ANKRD36: variants seen among roughly 807,000 people sequenced by gnomAD.
ANKRD36 encodes ankyrin repeat domain 36.
A neutral mutation model predicts 278.1 loss-of-function variants in ANKRD36; 179 were observed. That is an observed-to-expected ratio of 0.64 (90% confidence interval 0.57 to 0.73). ANKRD36 has a LOEUF of 0.73. Ranked by LOEUF, ANKRD36 falls within the 30% of genes least tolerant of loss-of-function variation. The pLI, the probability that ANKRD36 is intolerant of heterozygous loss-of-function variation, is 0.00. For synonymous variants in ANKRD36, 320 were observed against 641.1 expected (o/e 0.50, Z 7.57); for missense variants, 1,159 against 1,956.7 (o/e 0.59, Z 7.69).
chr2:97,187,225 A>G lies in ANKRD36; in HGVS notation c.2069A>G (p.Lys690Arg). 1 of 1,609,778 alleles carries G rather than the reference A, an allele frequency of 6.2e-7. No homozygotes were observed. Among genetic ancestry groups the G allele is most frequent in the Non-Finnish European group, 8.5e-7 (1 of 1,178,720 alleles). Residue 690 changes from lysine to arginine, a missense_variant and splice_region_variant, in exon 31 of 76, where the codon AAG (lysine) becomes AGG (arginine). Transcript: ENST00000420699. Reference sequence around the variant, plus strand: ...TCTTCTCAGAAACAACCAGCCTTGAAGGTAATTAAACTCTCATTTATATTG... The same window carrying G: ...TCTTCTCAGAAACAACCAGCCTTGAGGGTAATTAAACTCTCATTTATATTG... ...TVSSQKQPAL[K>R]ATTDEEDSVS...
At chr2:97,217,565 T>C (rs1216896582) in intron 64 of ANKRD36, among the ~76,000 whole-genome samples, 193 bp downstream of exon 64, 1 of 152,072 alleles carries the variant, frequency 6.6e-6, no homozygotes, top group African/African-American at 2.4e-5. Flanking sequence ...GTAACAAGCT[T>C]ATAGACTTCC....
chr2:97,220,248 C>A (rs533584336), intron 66 of ANKRD36, among the ~76,000 whole-genome samples: 1,638 of 148,322 alleles, frequency 0.011, 55 homozygotes, highest in African/African-American at 0.036. Context: ...GCTATCTTTT[C>A]ATTTGTACTT....
At chr2:97,208,673 G>T (rs1448063201) in intron 54 of ANKRD36, among the ~76,000 whole-genome samples, 1 of 146,354 alleles carries the variant, frequency 6.8e-6, no homozygotes. Context: ...TGGTTACTAG[G>T]AGGCATCAGA....
intron 66 of ANKRD36, among the ~76,000 whole-genome samples, chr2:97,223,098 CTTTT>C (rs58708702): frequency 2.4e-5 from 3 of 123,994 alleles, no homozygotes; most frequent in African/African-American, 9.8e-5. Flanking sequence ...TTATTATACA[CTTTT>C]TTTTTTTTTT....
At position 97,126,810 on chromosome 2, in the gene ANKRD36, A is replaced by G. The variant is rs1386024677; in HGVS notation, c.732-257A>G. Among the ~76,000 whole-genome samples the G allele has an allele frequency of 2.6e-5, 4 of 151,312 alleles. No homozygotes were observed. The Admixed American group carries it at 2.7e-4, about 10-fold the overall frequency. The stretch of plus-strand genomic sequence containing the variant: ...GAGCCAGGACCTTCCAGTAAGAGCC[A>G]GGAAGGTGACTTTCCATTATGTCAA... On this transcript the variant is annotated intron_variant, in intron 5 of 75. Coordinates refer to ENST00000420699, the MANE Select transcript of ANKRD36 (RefSeq NM_001354587.1).
chr2:97,128,925 C>T (rs1574629608), intron 6 of ANKRD36, among the ~76,000 whole-genome samples: 1 of 151,958 alleles, frequency 6.6e-6, no homozygotes, highest in Admixed American at 6.6e-5. Flanking sequence ...CAGAAGTAGT[C>T]TACAGACATG....
At chr2:97,226,157 G>A (rs370324041) in intron 67 of ANKRD36, among the ~76,000 whole-genome samples, 7,595 of 149,398 alleles carry the variant, frequency 0.051, 5 homozygotes, top group African/African-American at 0.15. Context: ...GGATGGCAGG[G>A]TCAAATGGTA....
chr2:97,163,111 CA>C (rs1399587921), intron 18 of ANKRD36: 1 of 365,942 alleles, frequency 2.7e-6, no homozygotes, highest in Non-Finnish European at 5.3e-6. Flanking sequence ...ACTAAAAATA[CA>C]AAAAGTTAGC....
At chr2:97,219,699 T>C (rs2066891616) in intron 66 of ANKRD36, among the ~76,000 whole-genome samples, 1 of 138,244 alleles carries the variant, frequency 7.2e-6, no homozygotes, top group Admixed American at 7.5e-5. Flanking sequence ...CAGGCTGGTC[T>C]TGAGCTCTCG....
At chr2:97,155,931 C>G (rs377148909) in intron 15 of ANKRD36, among the ~76,000 whole-genome samples, 1 of 145,692 alleles carries the variant, frequency 6.9e-6, no homozygotes, top group East Asian at 2.0e-4. Flanking sequence ...CATAATATGC[C>G]TAAGATATCT....
At chr2:97,223,129 C>G (rs2068254801) in intron 66 of ANKRD36, among the ~76,000 whole-genome samples, 1 of 120,124 alleles carries the variant, frequency 8.3e-6, no homozygotes, top group South Asian at 3.2e-4. Context: ...GAGACAGAGT[C>G]TTGCTCTGTC....
chr2:97,147,810 G>A (rs980825990), intron 11 of ANKRD36, among the ~76,000 whole-genome samples: 1 of 151,714 alleles, frequency 6.6e-6, no homozygotes, highest in Non-Finnish European at 1.5e-5. Context: ...GGATTTTAGG[G>A]AAAAATCTGA....
rs555095920 is a variant in ANKRD36 at position 97,130,289 on chromosome 2, C to T, written c.799+3155C>T. Among the ~76,000 whole-genome samples, 9 of 151,994 alleles carry T rather than the reference C, an allele frequency of 5.9e-5. No homozygotes were observed. In the South Asian group the frequency reaches 1.9e-3, roughly 32 times the overall value. ...CCATAAGAAATGATGAGTTCCTGTCCTTTGTAGGGACATGGATGAAGCTGG... is the reference window on the plus strand; with the variant it reads ...CCATAAGAAATGATGAGTTCCTGTCTTTTGTAGGGACATGGATGAAGCTGG... On this transcript the variant is annotated intron_variant, in intron 6 of 75. Transcript: ENST00000420699.
At chr2:97,194,546 T>C (rs1357980441) in intron 38 of ANKRD36, among the ~76,000 whole-genome samples, 180 bp from the exon 39 acceptor site, 1 of 151,602 alleles carries the variant, frequency 6.6e-6, no homozygotes. Flanking sequence ...TCACGGAGCC[T>C]GTGTTCCCTT....
At chr2:97,206,231 C>G in intron 52 of ANKRD36, 96 bp downstream of exon 52, 1 of 1,291,622 alleles carries the variant, frequency 7.7e-7, no homozygotes, top group Non-Finnish European at 1.0e-6. Context: ...CGAAGCTGCA[C>G]TTTCTGATTC....
At chr2:97,127,941 C>T (rs2039053642) in intron 6 of ANKRD36, among the ~76,000 whole-genome samples, 1 of 151,656 alleles carries the variant, frequency 6.6e-6, no homozygotes, top group Non-Finnish European at 1.5e-5. Context: ...TATTTGGTGG[C>T]AGTAGAAATA....
At chr2:97,115,629 A>G (rs1026523154) in intron 1 of ANKRD36, among the ~76,000 whole-genome samples, 3 of 107,546 alleles carry the variant, frequency 2.8e-5, no homozygotes, top group Non-Finnish European at 5.6e-5. Context: ...TTTAAGTTAA[A>G]AAAGGAATGA....
At chr2:97,197,572 A>C (rs1348383399) in intron 42 of ANKRD36, among the ~76,000 whole-genome samples, 1 of 151,906 alleles carries the variant, frequency 6.6e-6, no homozygotes, top group Admixed American at 6.6e-5. Flanking sequence ...CAGCTATTTC[A>C]TGAAACTTCT....
intron 40 of ANKRD36, 74 bp downstream of exon 40, chr2:97,194,991 G>A (rs1220194695): frequency 4.3e-5 from 65 of 1,520,888 alleles, no homozygotes; most frequent in Non-Finnish European, 5.2e-5. Flanking sequence ...AAATCAGTGG[G>A]GGGCTGGTCA....
Sources: allele counts gnomAD v4.1 joint callset (sites outside exome capture counted in the v4.1 genomes callset), GRCh38; gene constraint gnomAD v4.1.1; transcripts MANE v1.5; gene names NCBI Gene and HGNC (gene_info 2026-07-23, HGNC 2026-07-21).